WDSUB1: variants seen among roughly 807,000 people sequenced by gnomAD.
The protein encoded by WDSUB1 is WD repeat, SAM and U-box domain-containing protein 1.
WDSUB1 carries 49 observed loss-of-function variants against 53.9 expected under a neutral mutation model. The ratio of observed to expected loss-of-function variants is 0.91; its 90% CI spans 0.72 to 1.15. WDSUB1 has a LOEUF of 1.15. WDSUB1 is among the 50% of genes most tolerant of loss of function. The pLI is 0.00. For missense variants in WDSUB1, 514 were observed against 562.0 expected, an observed-to-expected ratio of 0.91 and a Z score of 0.86; for synonymous variants, 194 against 200.6, an observed-to-expected ratio of 0.97 and a Z score of 0.28.
chr2:159,235,943 G>T lies in WDSUB1; in HGVS notation c.*90C>A. 1 of 1,225,798 alleles carries T rather than the reference G, an allele frequency of 8.2e-7. No homozygotes were observed. The highest frequency in any genetic ancestry group is 1.1e-6 in the Non-Finnish European group (1 of 939,574). 75.9% of individuals were successfully genotyped at this position (1,225,798 alleles called of 1,614,324 possible). A position where few individuals can be genotyped will look rare whatever the true frequency, so the allele number is the denominator to read the frequency against. On this transcript the variant is annotated 3_prime_UTR_variant, in exon 11 of 11. Transcript: ENST00000359774. ...AATTTAAGAAGTTTACCTTTTTCCTGTTTTGCTTTTAATAATGTCTGATTA... is the reference window on the plus strand; with the variant it reads ...AATTTAAGAAGTTTACCTTTTTCCTTTTTTGCTTTTAATAATGTCTGATTA...
At chr2:159,275,381 G>A (rs6432526) in intron 4 of WDSUB1, among the ~76,000 whole-genome samples, 165 bp downstream of exon 4, 6,116 of 152,286 alleles carry the variant, frequency 0.04, 395 homozygotes, top group African/African-American at 0.14. Context: ...GATCATCAAT[G>A]AGCATCTGAT....
At chr2:159,270,172 C>G (rs2061420458) in intron 5 of WDSUB1, among the ~76,000 whole-genome samples, 1 of 152,078 alleles carries the variant, frequency 6.6e-6, no homozygotes, top group Non-Finnish European at 1.5e-5. Context: ...TATATACTAA[C>G]AAGTGCCTAG....
rs1203019632 is a variant in WDSUB1, at chr2:159,279,619, G to C, written c.583+142C>G. On this transcript the variant is annotated intron_variant, in intron 3 of 10. Transcript: ENST00000359774. ...CATTTTTGGTCAAAAAAGAGAGAAG[G>C]ATAATCCCTTTACAGGAATAAATTA... is the stretch of plus-strand genomic sequence containing the variant. 3 of 619,336 alleles carry C rather than the reference G, an allele frequency of 4.8e-6. No homozygotes were observed. In the African/African-American group the frequency reaches 5.7e-5, roughly 12 times the overall value. The allele number at this position is 619,336 out of a possible 1,614,324, so 38.4% of individuals were successfully genotyped here. A position where few individuals can be genotyped will look rare whatever the true frequency, so the allele number is the denominator to read the frequency against.
intron 10 of WDSUB1, among the ~76,000 whole-genome samples, chr2:159,243,435 G>A (rs1237883422): frequency 6.8e-6 from 1 of 146,598 alleles, no homozygotes; most frequent in African/African-American, 2.7e-5. Flanking sequence ...ATAAGTACAA[G>A]TAAAACTGGG....
At chr2:159,251,853 C>G (rs2060957428) in intron 9 of WDSUB1, among the ~76,000 whole-genome samples, 1 of 152,256 alleles carries the variant, frequency 6.6e-6, no homozygotes, top group African/African-American at 2.4e-5. Context: ...TAACGGGGTT[C>G]CGGAGTGAGA....
intron 9 of WDSUB1, among the ~76,000 whole-genome samples, chr2:159,255,093 G>A (rs2061032731): frequency 6.6e-6 from 1 of 152,094 alleles, no homozygotes; most frequent in African/African-American, 2.4e-5. Context: ...TCGCACCACT[G>A]CACTCCAGCC....
At chr2:159,282,526 C>G in intron 2 of WDSUB1, 146 bp downstream of exon 2, 2 of 916,506 alleles carry the variant, frequency 2.2e-6, no homozygotes, top group Non-Finnish European at 3.2e-6. Context: ...TACCTGAAAA[C>G]TATTGGCTTC....
intron 9 of WDSUB1, 109 bp from the exon 10 acceptor site, chr2:159,248,621 G>T: frequency 1.6e-6 from 2 of 1,257,150 alleles, no homozygotes; most frequent in Non-Finnish European, 2.1e-6. Flanking sequence ...GGTTGATTTT[G>T]AGACAGGGGC....
intron 1 of WDSUB1, 73 bp from the exon 2 acceptor site, chr2:159,283,166 G>A: frequency 7.6e-7 from 1 of 1,316,448 alleles, no homozygotes; most frequent in Non-Finnish European, 1.0e-6. Flanking sequence ...TATATAAAAG[G>A]GCCAAAATGT....
chr2:159,281,338 A>G (rs1020121945), intron 2 of WDSUB1, among the ~76,000 whole-genome samples: 1 of 152,192 alleles, frequency 6.6e-6, no homozygotes, highest in African/African-American at 2.4e-5. Flanking sequence ...ACCTGGGTTC[A>G]GGCGATCCTC....
rs370592812 is a variant in WDSUB1 at position 159,282,470 on chromosome 2, G to A, written c.398+202C>T. Among the ~76,000 whole-genome samples, 19 of 152,334 alleles carry A rather than the reference G, an allele frequency of 1.2e-4. No homozygotes were observed. The South Asian group carries it at 3.3e-3, about 27-fold the overall frequency. On this transcript the variant is annotated intron_variant, in intron 2 of 10. Transcript: ENST00000359774. Reference sequence around the variant, plus strand: ...GCCTCCCAAAGTGCTGGGATTACACGCGTGAGCCACAGCACCTGGCCCAGT... The same window carrying A: ...GCCTCCCAAAGTGCTGGGATTACACACGTGAGCCACAGCACCTGGCCCAGT...
Position 159,241,552 on chromosome 2 carries a change from ACT to A in WDSUB1, c.1274-5364_1274-5363del, listed in dbSNP as rs1491286272. Among the ~76,000 whole-genome samples the A allele has an allele frequency of 5.4e-5, 8 of 148,210 alleles. 1 individual carries two copies. The highest frequency in any genetic ancestry group is 1.8e-4 in the African/African-American group (7 of 38,290). On this transcript the variant is annotated intron_variant, in intron 10 of 10. Coordinates refer to ENST00000359774, the MANE Select transcript of WDSUB1 (RefSeq NM_001128212.3). Reference sequence around the variant, plus strand: ...ATTCCAGCCTGGGTGACACAGTGAGACTCTGTCTCAAAACAAAAATTATCTTG... The same window carrying A: ...ATTCCAGCCTGGGTGACACAGTGAGACTGTCTCAAAACAAAAATTATCTTG...
intron 9 of WDSUB1, among the ~76,000 whole-genome samples, chr2:159,254,334 A>C (rs553120071): frequency 2.6e-5 from 4 of 152,262 alleles, no homozygotes; most frequent in Non-Finnish European, 5.9e-5. Flanking sequence ...CCGAGCTGGG[A>C]GGGTCACTTA....
At chr2:159,282,321 T>C (rs2061682942) in intron 2 of WDSUB1, among the ~76,000 whole-genome samples, 1 of 152,198 alleles carries the variant, frequency 6.6e-6, no homozygotes, top group East Asian at 1.9e-4. Flanking sequence ...GCCTCCCAAG[T>C]AGCTGGGACT....
chr2:159,276,427 C>G (rs913495335), intron 3 of WDSUB1, among the ~76,000 whole-genome samples: 1 of 152,096 alleles, frequency 6.6e-6, no homozygotes, highest in Non-Finnish European at 1.5e-5. Flanking sequence ...AATTTTTTTC[C>G]ATCTGATTTA....
intron 2 of WDSUB1, among the ~76,000 whole-genome samples, chr2:159,280,609 T>A (rs1298179216): frequency 1.5e-5 from 2 of 135,958 alleles, no homozygotes; most frequent in African/African-American, 2.8e-5. Flanking sequence ...GAGAATGGCG[T>A]GAACCCGGGA....
chr2:159,243,083 TAATGATTAG>T (rs2060703599), intron 10 of WDSUB1, among the ~76,000 whole-genome samples: 1 of 148,086 alleles, frequency 6.8e-6, no homozygotes, highest in Non-Finnish European at 1.5e-5. Context: ...ATTCTGCTAT[TAATGATTAG>T]GATTGGGTTT....
At chr2:159,245,796 GA>G (rs1035587230) in intron 10 of WDSUB1, among the ~76,000 whole-genome samples, 1 of 152,088 alleles carries the variant, frequency 6.6e-6, no homozygotes, top group African/African-American at 2.4e-5. Flanking sequence ...TTGTCTAGAA[GA>G]AAAAAGGATA....
At chr2:159,267,298 CTTTCTTTTTT>C (rs2151117956) in intron 5 of WDSUB1, among the ~76,000 whole-genome samples, 1 of 114,442 alleles carries the variant, frequency 8.7e-6, no homozygotes, top group Admixed American at 8.1e-5. Flanking sequence ...CCTCTTTTTT[CTTTCTTTTTT>C]TTTTTTTAAA....
Sources: gnomAD v4.1 joint callset for allele counts (sites outside exome capture counted in the v4.1 genomes callset) on GRCh38, gnomAD v4.1.1 for gene constraint, MANE v1.5 for transcripts, NCBI Gene and HGNC (gene_info 2026-07-23, HGNC 2026-07-21) for gene names.